The following CCSER1 variants were observed in gnomAD, a reference collection of about 807,000 sequenced individuals.
CCSER1 encodes serine-rich coiled-coil domain-containing protein 1.
In CCSER1, 41 loss-of-function variants were observed where a neutral mutation model predicts 82.0. That is an observed-to-expected ratio of 0.50 (90% CI 0.39 to 0.65). The LOEUF is 0.65. CCSER1 is among the 30% of genes least tolerant of loss of function. The pLI is 0.00. For missense variants in CCSER1, 1,119 were observed against 1,064.2 expected, an observed-to-expected ratio of 1.05 and a Z score of -0.72; for synonymous variants, 414 against 383.9, an observed-to-expected ratio of 1.08 and a Z score of -0.92.
Position 90,921,369 on chromosome 4 carries a change from C to T in CCSER1, c.2095-2001C>T, listed in dbSNP as rs1309979065. ...ATTCTCTACATCTGAATATGGCACA[C>T]GTGCATACGTAATACCATAATAAAT... On this transcript the variant is annotated intron_variant, in intron 8 of 10. Transcript: ENST00000509176. Among the ~76,000 whole-genome samples, 8 of 151,900 alleles carry T rather than the reference C, an allele frequency of 5.3e-5. 1 individual carries two copies. The highest frequency in any genetic ancestry group is 2.1e-4 in the South Asian group (1 of 4,838).
intron 1 of CCSER1, among the ~76,000 whole-genome samples, chr4:90,259,035 G>A (rs1346884942): frequency 6.6e-6 from 1 of 152,220 alleles, no homozygotes; most frequent in Non-Finnish European, 1.5e-5. Context: ...GTGGTATTTT[G>A]ATGGGAATAG....
intron 8 of CCSER1, among the ~76,000 whole-genome samples, chr4:90,912,011 C>G (rs948213815): frequency 1.3e-5 from 2 of 152,254 alleles, no homozygotes; most frequent in Non-Finnish European, 2.9e-5. Context: ...CCCACCGCAG[C>G]TCAAGGAGGC....
Position 90,396,035 on chromosome 4 carries a change from C to T in CCSER1, c.1510-4001C>T, listed in dbSNP as rs1341871465. On this transcript the variant is annotated intron_variant, in intron 3 of 10. Coordinates refer to ENST00000509176, the MANE Select transcript of CCSER1 (RefSeq NM_001145065.2). ...GGCAGAGGTTGCAGTGAGCCAAGAT[C>T]GCACCCCTGCACTCCAGCCTAGGCA... Among the ~76,000 whole-genome samples, 7 of 152,120 alleles carry T rather than the reference C, an allele frequency of 4.6e-5. No homozygotes were observed. In the South Asian group the frequency reaches 8.3e-4, roughly 18 times the overall value.
At chr4:90,928,082 G>GA (rs1432790028) in intron 9 of CCSER1, among the ~76,000 whole-genome samples, 1 of 151,848 alleles carries the variant, frequency 6.6e-6, no homozygotes, top group Non-Finnish European at 1.5e-5. Context: ...GCATTTATTA[G>GA]AAAAAAGTGA....
chr4:90,336,833 A>G (rs1310077751), intron 3 of CCSER1, among the ~76,000 whole-genome samples: 1 of 152,216 alleles, frequency 6.6e-6, no homozygotes, highest in Non-Finnish European at 1.5e-5. Context: ...ACAATTTATA[A>G]TAAATATACT....
intron 9 of CCSER1, 67 bp from the exon 10 acceptor site, chr4:91,085,883 G>A (rs1723344061): frequency 3.5e-6 from 3 of 867,360 alleles, no homozygotes; most frequent in Non-Finnish European, 5.6e-6. Context: ...CAAAATTATT[G>A]CACTAATATG....
intron 10 of CCSER1, among the ~76,000 whole-genome samples, chr4:91,594,430 C>CATAT (rs1553960029): frequency 1.4e-5 from 2 of 146,966 alleles, no homozygotes; most frequent in Non-Finnish European, 3.0e-5. Flanking sequence ...TACATATATA[C>CATAT]ATATACACAC....
chr4:90,959,550 G>T (rs1454561672), intron 9 of CCSER1, among the ~76,000 whole-genome samples: 1 of 152,014 alleles, frequency 6.6e-6, no homozygotes, highest in Non-Finnish European at 1.5e-5. Context: ...TACTTTAAGG[G>T]ATTTATAAGT....
chr4:90,853,977 C>A (rs1764171860), intron 8 of CCSER1, among the ~76,000 whole-genome samples: 1 of 152,104 alleles, frequency 6.6e-6, no homozygotes, highest in South Asian at 2.1e-4. Flanking sequence ...TTAGGACATA[C>A]TATATGCATG....
intron 8 of CCSER1, among the ~76,000 whole-genome samples, chr4:90,893,779 G>GTA (rs1187469901): frequency 2.6e-4 from 32 of 124,506 alleles, no homozygotes; most frequent in African/African-American, 8.5e-4. Context: ...GTGTGTGCGT[G>GTA]TGTGTGTGTG....
intron 8 of CCSER1, among the ~76,000 whole-genome samples, chr4:90,818,277 T>TTC (rs1421219459): frequency 6.6e-6 from 1 of 151,174 alleles, no homozygotes; most frequent in Non-Finnish European, 1.5e-5. Flanking sequence ...TTTCTTTTTT[T>TTC]TCTTTTTTTT....
intron 10 of CCSER1, among the ~76,000 whole-genome samples, chr4:91,134,319 C>G (rs1728263015): frequency 6.6e-6 from 1 of 151,774 alleles, no homozygotes; most frequent in Admixed American, 6.6e-5. Context: ...ATCACTTGAG[C>G]CCAGGATTCT....
chr4:90,646,276 T>G (rs1727584787), intron 6 of CCSER1, among the ~76,000 whole-genome samples: 1 of 151,984 alleles, frequency 6.6e-6, no homozygotes, highest in Non-Finnish European at 1.5e-5. Flanking sequence ...AATATTATAA[T>G]AGTAGAGAAT....
intron 4 of CCSER1, among the ~76,000 whole-genome samples, chr4:90,439,353 C>T (rs1053973589): frequency 1.3e-5 from 2 of 152,144 alleles, no homozygotes; most frequent in South Asian, 2.1e-4. Context: ...AGTAAACACA[C>T]GCATTTCTAA....
chr4:91,010,311 T>G (rs1334593730), intron 9 of CCSER1, among the ~76,000 whole-genome samples: 1 of 152,210 alleles, frequency 6.6e-6, no homozygotes, highest in Non-Finnish European at 1.5e-5. Flanking sequence ...GCATCCGACT[T>G]GATGTGTTTC....
intron 7 of CCSER1, among the ~76,000 whole-genome samples, chr4:90,761,257 A>G (rs1022935377): frequency 6.6e-6 from 1 of 152,102 alleles, no homozygotes; most frequent in Non-Finnish European, 1.5e-5. Context: ...TTGTGCTCAC[A>G]CTGACTGCAA....
chr4:91,548,217 A>G (rs1761984054), intron 10 of CCSER1, among the ~76,000 whole-genome samples: 3 of 152,326 alleles, frequency 2.0e-5, no homozygotes, highest in East Asian at 1.9e-4. Flanking sequence ...AGCAAAATCC[A>G]TTTTCAAATA....
rs1728992098 is a variant in CCSER1 at position 91,141,182 on chromosome 4, G to T, written c.2217+55188G>T. ...TTTTTTTTTTTCTTTTTGAGACAGA[G>T]TCTCACTGTCACCCAGGCTGGAGTG... On this transcript the variant is annotated intron_variant, in intron 10 of 10. Coordinates refer to ENST00000509176, the MANE Select transcript of CCSER1 (RefSeq NM_001145065.2). 2.0e-5 allele frequency among the ~76,000 whole-genome samples: 3 copies of T among 149,682 alleles called. No homozygotes were observed. In the South Asian group the frequency reaches 6.4e-4, roughly 32 times the overall value.
chr4:90,950,371 A>G (rs1236264865), intron 9 of CCSER1, among the ~76,000 whole-genome samples: 1 of 152,056 alleles, frequency 6.6e-6, no homozygotes, highest in Non-Finnish European at 1.5e-5. Context: ...GGAAACTGAG[A>G]TATATTTTTA....
Sources: allele counts gnomAD v4.1 joint callset (sites outside exome capture counted in the v4.1 genomes callset), GRCh38; gene constraint gnomAD v4.1.1; transcripts MANE v1.5; gene names NCBI Gene and HGNC (gene_info 2026-07-23, HGNC 2026-07-21).